The following SOCS4 variants were observed in gnomAD, a reference collection of about 807,000 sequenced individuals.
SOCS4 encodes SH2 domain containing SOCS box protein.
SOCS4 carries 20 observed loss-of-function variants against 34.1 expected under a neutral mutation model. The observed-to-expected ratio is 0.59, with a 90% confidence interval of 0.41 to 0.85. The LOEUF (loss-of-function observed/expected upper bound fraction) is 0.85, where lower values mean the gene tolerates loss of function less well. Ranked by LOEUF, SOCS4 falls within the 40% of genes least tolerant of loss-of-function variation. The pLI, the probability that SOCS4 is intolerant of heterozygous loss-of-function variation, is 0.00. For synonymous variants in SOCS4, 180 were observed against 186.4 expected (o/e 0.97, Z 0.28); for missense variants, 479 against 532.4 (o/e 0.90, Z 0.99).
rs765856971 is a variant in SOCS4, at chr14:55,043,573, C to T, written c.532C>T (p.Arg178Ter). The part of the protein sequence containing the change: ...QTELRDGQLK[R>*]RNMEENINCF... Reference sequence around the variant, plus strand: ...TGAATTGAGGGATGGTCAGCTAAAACGAAGAAATATGGAAGAAAATATAAA... The same window carrying T: ...TGAATTGAGGGATGGTCAGCTAAAATGAAGAAATATGGAAGAAAATATAAA... The change falls in exon 3 of 3, where the codon CGA (arginine) becomes TGA (stop). Residue 178 changes from arginine (R) to a stop codon, truncating the protein, a stop_gained. Transcript: ENST00000555846. LOFTEE classifies it high-confidence loss of function. The T allele has an allele frequency of 1.1e-5, 17 of 1,613,896 alleles. No individual in the cohort carries two copies. The highest frequency in any genetic ancestry group is 1.4e-5 in the Non-Finnish European group (16 of 1,180,012).
chr14:55,034,613 C>T (rs957418650), intron 2 of SOCS4, among the ~76,000 whole-genome samples: 1 of 151,956 alleles, frequency 6.6e-6, no homozygotes, highest in Non-Finnish European at 1.5e-5. Context: ...GCAGGTGGAT[C>T]ACGAGGTCAG....
chr14:55,035,244 A>C (rs1482773988), intron 2 of SOCS4, among the ~76,000 whole-genome samples: 1 of 151,886 alleles, frequency 6.6e-6, no homozygotes, highest in Non-Finnish European at 1.5e-5. Flanking sequence ...ATGGACATCT[A>C]CAGCATTAGC....
At chr14:55,034,686 A>C (rs2042556749) in intron 2 of SOCS4, among the ~76,000 whole-genome samples, 1 of 151,846 alleles carries the variant, frequency 6.6e-6, no homozygotes, top group Non-Finnish European at 1.5e-5. Flanking sequence ...AACTACAAAA[A>C]TTAGCCAGGC....
rs748501691 is a variant in SOCS4 at position 55,044,128 on chromosome 14, CATT to C, written c.1090_1092del (p.Tyr364del). The C allele has an allele frequency of 6.2e-7, 1 of 1,614,122 alleles. No homozygotes were observed. Among genetic ancestry groups the C allele is most frequent in the South Asian group, 1.1e-5 (1 of 91,088 alleles). ...TCCTGACATTACTGGGCTCCTAGAA[CATT>C]ATAAGGACCCAAGCGCCTGTATGTT... is the stretch of plus-strand genomic sequence containing the variant. On this transcript the variant is annotated inframe_deletion, in exon 3 of 3. Transcript: ENST00000555846.
At chr14:55,033,984 A>G (rs2042550465) in intron 2 of SOCS4, among the ~76,000 whole-genome samples, 1 of 152,174 alleles carries the variant, frequency 6.6e-6, no homozygotes, top group Non-Finnish European at 1.5e-5. Context: ...AAATACAAAA[A>G]TTAGCTGGGC....
In SOCS4 at chr14:55,046,351, G is replaced by T. The variant is rs1390815836; in HGVS notation, c.*1987G>T. 1.8e-5 allele frequency: 3 copies of T among 166,680 alleles called. No individual in the cohort carries two copies. Among genetic ancestry groups the T allele is most frequent in the Admixed American group, 6.6e-5 (1 of 15,248 alleles). The allele number at this position is 166,680 out of a possible 1,614,324, so 10.3% of individuals were successfully genotyped here. On this transcript the variant is annotated 3_prime_UTR_variant, in exon 3 of 3. Transcript: ENST00000555846. Reference sequence around the variant, plus strand: ...TGATTATAGTTTTTTATCAGAATTTGATAAGATTTTCTGTTTCTGTGAAAC... The same window carrying T: ...TGATTATAGTTTTTTATCAGAATTTTATAAGATTTTCTGTTTCTGTGAAAC...
rs2042663007 is a variant in SOCS4, at chr14:55,045,114, C to T, written c.*750C>T. 1 of 167,002 alleles carries T rather than the reference C, an allele frequency of 6.0e-6. No homozygotes were observed. The highest frequency in any genetic ancestry group is 2.4e-5 in the African/African-American group (1 of 41,454). 10.3% of individuals were successfully genotyped at this position (167,002 alleles called of 1,614,324 possible). On this transcript the variant is annotated 3_prime_UTR_variant, in exon 3 of 3. Coordinates refer to ENST00000555846, the MANE Select transcript of SOCS4 (RefSeq NM_199421.2). Reference sequence around the variant, plus strand: ...TTCCTGAATAGGTCTTTCTCTCAACCTGCAAGAGCTAAACCATCTTCAAAA... The same window carrying T: ...TTCCTGAATAGGTCTTTCTCTCAACTTGCAAGAGCTAAACCATCTTCAAAA...
At chr14:55,030,491 A>G (rs988521384) in intron 1 of SOCS4, among the ~76,000 whole-genome samples, 4 of 152,146 alleles carry the variant, frequency 2.6e-5, no homozygotes, top group African/African-American at 9.6e-5. Context: ...CTAGCCTTAC[A>G]TATAGCCTTT....
chr14:55,042,134 A>G (rs1170958864), intron 2 of SOCS4, among the ~76,000 whole-genome samples: 1 of 152,214 alleles, frequency 6.6e-6, no homozygotes, highest in Non-Finnish European at 1.5e-5. Flanking sequence ...AATTCCATTT[A>G]CAAACAATCA....
chr14:55,034,850 T>C (rs2042558218), intron 2 of SOCS4, among the ~76,000 whole-genome samples: 1 of 145,418 alleles, frequency 6.9e-6, no homozygotes, highest in Admixed American at 6.9e-5. Flanking sequence ...TTGCATTAAC[T>C]CTCTCTCTGT....
chr14:55,039,070 G>C (rs1020493968), intron 2 of SOCS4, among the ~76,000 whole-genome samples: 41 of 152,142 alleles, frequency 2.7e-4, no homozygotes, highest in African/African-American at 9.7e-4. Context: ...TTTTTACTCA[G>C]CCATTTTCTG....
chr14:55,037,148 ATTT>A (rs138442784), intron 2 of SOCS4, among the ~76,000 whole-genome samples: 2 of 142,522 alleles, frequency 1.4e-5, no homozygotes, highest in Non-Finnish European at 1.5e-5. Context: ...TAGCAATCAT[ATTT>A]TTTTTTTTTT....
chr14:55,038,407 T>A (rs1282130102), intron 2 of SOCS4, among the ~76,000 whole-genome samples: 1 of 152,220 alleles, frequency 6.6e-6, no homozygotes, highest in Non-Finnish European at 1.5e-5. Flanking sequence ...TGTGCTTCAC[T>A]GTATGCTTGG....
Position 55,049,097 on chromosome 14 carries a change from GCTTAA to G in SOCS4, c.*4738_*4742del, listed in dbSNP as rs908477053. 6.0e-6 allele frequency: 1 copy of G among 166,624 alleles called. No homozygotes were observed. Among genetic ancestry groups the G allele is most frequent in the Non-Finnish European group, 1.5e-5 (1 of 68,094 alleles). 10.3% of individuals were successfully genotyped at this position (166,624 alleles called of 1,614,324 possible). ...TATGGTCTGTGTAAAACTGATGTTTGCTTAACTTATTTTAAAAGTTGATTACGTTT... is the reference window on the plus strand; with the variant it reads ...TATGGTCTGTGTAAAACTGATGTTTGCTTATTTTAAAAGTTGATTACGTTT... On this transcript the variant is annotated 3_prime_UTR_variant, in exon 3 of 3. Coordinates refer to ENST00000555846, the MANE Select transcript of SOCS4 (RefSeq NM_199421.2).
Position 55,043,217 on chromosome 14 carries a change from A to T in SOCS4, c.176A>T (p.Glu59Val). The T allele has an allele frequency of 6.2e-7, 1 of 1,614,224 alleles. No individual in the cohort carries two copies. The highest frequency in any genetic ancestry group is 8.5e-7 in the Non-Finnish European group (1 of 1,180,040). The change falls in exon 3 of 3, where the codon GAA (glutamate) becomes GTA (valine). Residue 59 changes from glutamate to valine, a missense_variant. Physicochemically the swap from Glu to Val is moderately radical, Grantham distance 121. Coordinates refer to ENST00000555846, the MANE Select transcript of SOCS4 (RefSeq NM_199421.2). ...AETVNGIEKT[E>V]VSLRNQERKH... is the part of the protein sequence containing the mutation. The stretch of plus-strand genomic sequence containing the variant: ...ACAGTGAATGGTATAGAGAAAACCG[A>T]AGTGTCTTTAAGGAACCAAGAAAGG...
intron 2 of SOCS4, among the ~76,000 whole-genome samples, chr14:55,040,737 C>T (rs145816627): frequency 0.015 from 2,309 of 151,358 alleles, 94 homozygotes; most frequent in East Asian, 0.13. Context: ...GAGCGAGACT[C>T]CATCTCAAAA....
At position 55,031,882 on chromosome 14, in the gene SOCS4, T is replaced by C. The variant is rs1401899133; in HGVS notation, c.-200T>C. The C allele has an allele frequency of 6.6e-6, 1 of 152,196 alleles. No homozygotes were observed. The allele number at this position is 152,196 out of a possible 1,614,324, so 9.4% of individuals were successfully genotyped here. A position where few individuals can be genotyped will look rare whatever the true frequency, so the allele number is the denominator to read the frequency against. On this transcript the variant is annotated 5_prime_UTR_variant, in exon 2 of 3. Transcript: ENST00000555846. The stretch of plus-strand genomic sequence containing the variant: ...TCCAAGGAGTTCATCTGTTGTCTGC[T>C]CTCCAGTGACTTCCGTTTGTGGAGC...
chr14:55,030,463 C>A (rs547498631), intron 1 of SOCS4, among the ~76,000 whole-genome samples: 5 of 152,064 alleles, frequency 3.3e-5, no homozygotes, highest in African/African-American at 1.2e-4. Context: ...TTCTGAGGCA[C>A]GTTTTTGTGC....
intron 2 of SOCS4, among the ~76,000 whole-genome samples, chr14:55,033,833 G>A (rs1447707261): frequency 6.6e-6 from 1 of 152,126 alleles, no homozygotes; most frequent in Non-Finnish European, 1.5e-5. Flanking sequence ...AAATATTCTA[G>A]TAAGATATAA....
Sources: gnomAD v4.1 joint callset for allele counts (sites outside exome capture counted in the v4.1 genomes callset) on GRCh38, gnomAD v4.1.1 for gene constraint, MANE v1.5 for transcripts, NCBI Gene and HGNC (gene_info 2026-07-23, HGNC 2026-07-21) for gene names.